AGBL4: variants seen among roughly 807,000 people sequenced by gnomAD.
AGBL4 encodes the protein cytosolic carboxypeptidase 6.
Under a neutral mutation model 66.4 loss-of-function variants are expected in AGBL4, and 58 were observed. The observed-to-expected ratio is 0.87, with a 90% CI of 0.71 to 1.09. The LOEUF (loss-of-function observed/expected upper bound fraction) is 1.09, where lower values mean the gene tolerates loss of function less well. AGBL4 is among the 50% of genes least tolerant of loss of function. AGBL4 has a pLI of 0.00. For synonymous variants in AGBL4, 234 were observed against 222.9 expected (o/e 1.05, Z -0.44); for missense variants, 579 against 631.0 (o/e 0.92, Z 0.88).
At chr1:49,003,932 T>A (rs533235187) in intron 5 of AGBL4, among the ~76,000 whole-genome samples, 1 of 152,250 alleles carries the variant, frequency 6.6e-6, no homozygotes, top group South Asian at 2.1e-4. Flanking sequence ...TGGTCAGACA[T>A]CTATCTCTCT....
intron 3 of AGBL4, among the ~76,000 whole-genome samples, chr1:49,694,923 A>G (rs1293995405): frequency 6.6e-6 from 1 of 152,162 alleles, no homozygotes; most frequent in Non-Finnish European, 1.5e-5. Context: ...TAATCTTTAT[A>G]GACACTTAAG....
chr1:49,378,464 G>A (rs1644518652), intron 3 of AGBL4, among the ~76,000 whole-genome samples: 1 of 152,012 alleles, frequency 6.6e-6, no homozygotes, highest in Non-Finnish European at 1.5e-5. Context: ...AATAGTATCC[G>A]AGGAGAGAGA....
chr1:49,367,364 CT>C (rs1222070731), intron 3 of AGBL4, among the ~76,000 whole-genome samples: 2 of 152,178 alleles, frequency 1.3e-5, no homozygotes, highest in Non-Finnish European at 2.9e-5. Flanking sequence ...ACTTCCTCCC[CT>C]CTCTCTTGCT....
intron 1 of AGBL4, among the ~76,000 whole-genome samples, chr1:49,887,453 G>C (rs1035465773): frequency 5.3e-5 from 8 of 151,846 alleles, no homozygotes; most frequent in Non-Finnish European, 1.2e-4. Context: ...TAAAATGAAA[G>C]GCCCGGAGAT....
chr1:49,730,397 A>C (rs1400617993), intron 2 of AGBL4, among the ~76,000 whole-genome samples: 1 of 152,184 alleles, frequency 6.6e-6, no homozygotes, highest in Non-Finnish European at 1.5e-5. Flanking sequence ...ATGGGAGTGA[A>C]GAGCTGCAAC....
intron 2 of AGBL4, among the ~76,000 whole-genome samples, chr1:49,837,701 C>T (rs1230806076): frequency 1.3e-5 from 2 of 152,112 alleles, no homozygotes; most frequent in Non-Finnish European, 2.9e-5. Context: ...AAAAATTAGC[C>T]AAGTGTGGTG....
At chr1:48,851,703 A>G (rs1207017469) in intron 6 of AGBL4, among the ~76,000 whole-genome samples, 1 of 152,210 alleles carries the variant, frequency 6.6e-6, no homozygotes, top group Non-Finnish European at 1.5e-5. Context: ...TTGTAAGGAC[A>G]TCCAGCCAGC....
At chr1:49,841,560 G>C (rs1402254958) in intron 2 of AGBL4, among the ~76,000 whole-genome samples, 4 of 152,020 alleles carry the variant, frequency 2.6e-5, no homozygotes, top group Admixed American at 2.0e-4. Flanking sequence ...AAAGAACAAG[G>C]CTGGAGAAAT....
chr1:49,798,470 C>T (rs1023337598), intron 2 of AGBL4, among the ~76,000 whole-genome samples: 2 of 152,114 alleles, frequency 1.3e-5, no homozygotes, highest in Non-Finnish European at 2.9e-5. Context: ...TGGTATACAT[C>T]TTTAATAAAG....
rs1041531497 is a variant in AGBL4 at position 49,329,663 on chromosome 1, G to GC, written c.283-83800dup. Among the ~76,000 whole-genome samples, 48 of 148,310 alleles carry GC rather than the reference G, an allele frequency of 3.2e-4. 1 individual carries two copies. The highest frequency in any genetic ancestry group is 8.7e-4 in the South Asian group (4 of 4,602). On this transcript the variant is annotated intron_variant, in intron 3 of 13. Transcript: ENST00000371839. ...CCTAGGTAACATAGTGAGACCCCCC[G>GC]CCCCCCGCCAAAAAAAAGCACATGT...
At chr1:49,810,325 T>A (rs1388160751) in intron 2 of AGBL4, among the ~76,000 whole-genome samples, 3 of 152,086 alleles carry the variant, frequency 2.0e-5, no homozygotes, top group African/African-American at 7.2e-5. Context: ...AAATAATGTA[T>A]GTCATTAAAG....
At chr1:49,605,666 CACAGGATG>C (rs1474987111) in intron 3 of AGBL4, among the ~76,000 whole-genome samples, 1 of 152,088 alleles carries the variant, frequency 6.6e-6, no homozygotes, top group African/African-American at 2.4e-5. Context: ...AATGAGTTTT[CACAGGATG>C]TAAGTGATGG....
intron 3 of AGBL4, among the ~76,000 whole-genome samples, chr1:49,606,390 G>T (rs1223947264): frequency 6.6e-6 from 1 of 152,062 alleles, no homozygotes; most frequent in Non-Finnish European, 1.5e-5. Flanking sequence ...ATAAGTGTTC[G>T]TGTGTTTCAT....
At chr1:49,613,971 T>C (rs1393556762) in intron 3 of AGBL4, among the ~76,000 whole-genome samples, 2 of 152,226 alleles carry the variant, frequency 1.3e-5, no homozygotes, top group Non-Finnish European at 2.9e-5. Context: ...ATGGAAAATA[T>C]GTTCTTTAAT....
chr1:49,050,420 C>T (rs1004563906), intron 4 of AGBL4, among the ~76,000 whole-genome samples: 1 of 152,168 alleles, frequency 6.6e-6, no homozygotes, highest in Non-Finnish European at 1.5e-5. Context: ...ACATATTGTT[C>T]ATCTCTAGTT....
chr1:48,983,259 G>A (rs1269766872), intron 5 of AGBL4, among the ~76,000 whole-genome samples: 4 of 152,070 alleles, frequency 2.6e-5, no homozygotes. Context: ...TCGCAATTAT[G>A]GGTAAACAAT....
At chr1:50,008,114 C>T (rs1661271820) in intron 1 of AGBL4, among the ~76,000 whole-genome samples, 1 of 152,190 alleles carries the variant, frequency 6.6e-6, no homozygotes, top group Admixed American at 6.5e-5. Flanking sequence ...TAGCACTGGA[C>T]AGACAATCCA....
intron 2 of AGBL4, among the ~76,000 whole-genome samples, chr1:49,812,929 CAT>C (rs1361304983): frequency 6.6e-6 from 1 of 152,092 alleles, no homozygotes; most frequent in East Asian, 1.9e-4. Context: ...TTGAAGAAGA[CAT>C]ATAAATATCC....
chr1:49,479,890 G>A (rs1174237995), intron 3 of AGBL4, among the ~76,000 whole-genome samples: 1 of 151,478 alleles, frequency 6.6e-6, no homozygotes, highest in Non-Finnish European at 1.5e-5. Flanking sequence ...TGTATTTTTA[G>A]TAGAGACAGG....
Sources: gnomAD v4.1 joint callset for allele counts (sites outside exome capture counted in the v4.1 genomes callset) on GRCh38, gnomAD v4.1.1 for gene constraint, MANE v1.5 for transcripts, NCBI Gene and HGNC (gene_info 2026-07-23, HGNC 2026-07-21) for gene names.